The following NPAS3 variants were observed in gnomAD, a reference collection of about 807,000 sequenced individuals.
The protein encoded by NPAS3 is neuronal PAS domain protein 3.
In NPAS3, 14 loss-of-function variants were observed where a neutral mutation model predicts 73.1. The ratio of observed to expected loss-of-function variants is 0.19; its 90% CI spans 0.13 to 0.30. NPAS3 has a LOEUF of 0.30. Among genes scored for constraint, NPAS3 ranks in the 10% least tolerant of loss-of-function variants. The pLI is 1.00. For missense variants in NPAS3, 1,096 were observed against 1,250.0 expected, an observed-to-expected ratio of 0.88 and a Z score of 1.86; for synonymous variants, 620 against 541.5, an observed-to-expected ratio of 1.14 and a Z score of -2.01.
chr14:33,119,686 T>C (rs935030143), intron 2 of NPAS3, among the ~76,000 whole-genome samples: 12 of 152,056 alleles, frequency 7.9e-5, no homozygotes, highest in African/African-American at 2.9e-4. Context: ...AAAGGAAAAC[T>C]TGAAATCCAG....
At chr14:33,384,421 TAA>T (rs771634862) in intron 4 of NPAS3, among the ~76,000 whole-genome samples, 19 of 146,412 alleles carry the variant, frequency 1.3e-4, no homozygotes, top group African/African-American at 4.2e-4. Flanking sequence ...TGTGTTTTTT[TAA>T]AAAAAAAAAA....
At chr14:33,802,956 TAA>T (rs1434964741), downstream of NPAS3, 1 of 152,156 alleles carries the variant, frequency 6.6e-6, no homozygotes, top group Admixed American at 6.5e-5. Flanking sequence ...TTCTCAGAGA[TAA>T]AAAGACTCTT....
intron 4 of NPAS3, among the ~76,000 whole-genome samples, chr14:33,392,597 A>G (rs2047054731): frequency 6.6e-6 from 1 of 152,140 alleles, no homozygotes; most frequent in Non-Finnish European, 1.5e-5. Flanking sequence ...TGCTTTTTTG[A>G]AATTAGTGCA....
chr14:33,647,650 A>T (rs2058872022), intron 5 of NPAS3, among the ~76,000 whole-genome samples: 1 of 152,108 alleles, frequency 6.6e-6, no homozygotes, highest in South Asian at 2.1e-4. Flanking sequence ...TCACTTTGTT[A>T]TTTCACAATG....
chr14:33,678,353 C>CCTT (rs959744073), intron 6 of NPAS3, among the ~76,000 whole-genome samples: 1 of 151,398 alleles, frequency 6.6e-6, no homozygotes, highest in East Asian at 1.9e-4. Flanking sequence ...CTGATTTACT[C>CCTT]CTTCTTCCCT....
chr14:32,993,149 C>CAA (rs538579532), intron 1 of NPAS3, among the ~76,000 whole-genome samples: 8,782 of 91,926 alleles, frequency 0.096, 340 homozygotes, highest in Middle Eastern at 0.27. Context: ...AACTTCGTCT[C>CAA]AAAAAAAAAA....
chr14:33,152,878 A>G (rs1416622879), intron 2 of NPAS3, among the ~76,000 whole-genome samples: 1 of 148,458 alleles, frequency 6.7e-6, no homozygotes, highest in Non-Finnish European at 1.5e-5. Context: ...ATGTTAAGTA[A>G]CTTTGTTGCC....
chr14:33,748,112 A>G (rs2061858068), intron 7 of NPAS3, among the ~76,000 whole-genome samples: 1 of 152,202 alleles, frequency 6.6e-6, no homozygotes, highest in Non-Finnish European at 1.5e-5. Context: ...TTTTTAAAAA[A>G]TGAATTAATT....
intron 2 of NPAS3, among the ~76,000 whole-genome samples, chr14:33,181,823 CTGCATGTAAATAAA>C (rs2045808996): frequency 6.6e-6 from 1 of 152,196 alleles, no homozygotes; most frequent in African/African-American, 2.4e-5. Flanking sequence ...CCAGTTTTTA[CTGCATGTAAATAAA>C]TGCATGTAAA....
At chr14:33,752,441 A>G (rs529005265) in intron 7 of NPAS3, among the ~76,000 whole-genome samples, 90 of 152,256 alleles carry the variant, frequency 5.9e-4, no homozygotes, top group African/African-American at 2.0e-3. Flanking sequence ...ATCATCCCCA[A>G]TTGACTCTTG....
At chr14:33,320,727 G>A (rs2043406434) in intron 3 of NPAS3, among the ~76,000 whole-genome samples, 1 of 152,218 alleles carries the variant, frequency 6.6e-6, no homozygotes, top group Non-Finnish European at 1.5e-5. Context: ...CATGCATGAA[G>A]CAGATGTCAT....
At chr14:33,512,380 T>C (rs933367745) in intron 4 of NPAS3, among the ~76,000 whole-genome samples, 1 of 152,026 alleles carries the variant, frequency 6.6e-6, no homozygotes, top group Non-Finnish European at 1.5e-5. Context: ...AAAAGTTTTG[T>C]AGGACTTTAC....
chr14:33,174,250 C>G (rs1458895067), intron 2 of NPAS3, among the ~76,000 whole-genome samples: 1 of 152,114 alleles, frequency 6.6e-6, no homozygotes, highest in African/African-American at 2.4e-5. Flanking sequence ...TCAGCATGCC[C>G]CTAACCAAAA....
At position 33,617,908 on chromosome 14, in the gene NPAS3, GA is replaced by G. The variant is rs146172123; in HGVS notation, c.558+57708del. Among the ~76,000 whole-genome samples, 126 of 149,094 alleles carry G rather than the reference GA, an allele frequency of 8.5e-4. 1 individual carries two copies. The highest frequency in any genetic ancestry group is 3.5e-3 in the Middle Eastern group (1 of 284). On this transcript the variant is annotated intron_variant, in intron 5 of 11. Coordinates refer to ENST00000356141, the Ensembl canonical transcript of NPAS3. ...TCCTCAAGATTACTGAGCAGTTAAA[GA>G]AAAAAAAAATGGCTGACACTTGCAT...
intron 2 of NPAS3, among the ~76,000 whole-genome samples, chr14:33,081,568 A>C (rs761899938): frequency 6.6e-6 from 1 of 151,810 alleles, no homozygotes; most frequent in Non-Finnish European, 1.5e-5. Flanking sequence ...AAGAATCATC[A>C]TTAGGCCTCC....
At chr14:33,019,886 T>C (rs1202166904) in intron 1 of NPAS3, among the ~76,000 whole-genome samples, 1 of 152,214 alleles carries the variant, frequency 6.6e-6, no homozygotes, top group African/African-American at 2.4e-5. Context: ...ATAGCTGGTT[T>C]CATGAAATTA....
chr14:33,456,959 G>A (rs1334124272), intron 4 of NPAS3, among the ~76,000 whole-genome samples: 2 of 152,056 alleles, frequency 1.3e-5, no homozygotes, highest in African/African-American at 2.4e-5. Flanking sequence ...GTTCTCAGTC[G>A]CCAACATTAA....
At chr14:33,595,955 A>C (rs2139972299) in intron 5 of NPAS3, among the ~76,000 whole-genome samples, 1 of 152,370 alleles carries the variant, frequency 6.6e-6, no homozygotes, top group South Asian at 2.1e-4. Flanking sequence ...AAGGGACTCC[A>C]ACATTGAATC....
chr14:33,622,253 A>G (rs1179985805), intron 5 of NPAS3, among the ~76,000 whole-genome samples: 4 of 152,184 alleles, frequency 2.6e-5, no homozygotes, highest in Non-Finnish European at 4.4e-5. Flanking sequence ...GGGATGCGTC[A>G]ATAAAGTGGA....
Sources: gnomAD v4.1 joint callset for allele counts (sites outside exome capture counted in the v4.1 genomes callset) on GRCh38, gnomAD v4.1.1 for gene constraint, MANE v1.5 for transcripts, NCBI Gene and HGNC (gene_info 2026-07-23, HGNC 2026-07-21) for gene names.